The following CRIM1 variants were observed in gnomAD, a reference collection of about 807,000 sequenced individuals.
CRIM1 encodes cysteine-rich motor neuron 1 protein.
In CRIM1, 32 loss-of-function variants were observed where a neutral mutation model predicts 116.4. That is an observed-to-expected ratio of 0.27 (90% confidence interval 0.21 to 0.37). The LOEUF (loss-of-function observed/expected upper bound fraction) is 0.37, where lower values mean the gene tolerates loss of function less well. CRIM1 is among the 10% of genes least tolerant of loss of function. CRIM1 has a pLI of 1.00. For synonymous variants in CRIM1, 590 were observed against 509.2 expected (o/e 1.16, Z -2.13); for missense variants, 1,331 against 1,354.8 (o/e 0.98, Z 0.28).
At chr2:36,449,554 C>T (rs189898768) in intron 4 of CRIM1, among the ~76,000 whole-genome samples, 3 of 152,236 alleles carry the variant, frequency 2.0e-5, no homozygotes, top group East Asian at 1.9e-4. Context: ...AGGCCCACTT[C>T]GGCATGAGTT....
At chr2:36,404,441 C>G (rs1318242939) in intron 2 of CRIM1, among the ~76,000 whole-genome samples, 1 of 152,168 alleles carries the variant, frequency 6.6e-6, no homozygotes, top group Non-Finnish European at 1.5e-5. Flanking sequence ...TAGACTCTTT[C>G]AGTCCAGAAG....
At chr2:36,544,567 A>G (rs1667179975) in intron 15 of CRIM1, 69 bp downstream of exon 15, 1 of 1,300,074 alleles carries the variant, frequency 7.7e-7, no homozygotes, top group African/African-American at 1.5e-5. Flanking sequence ...TCTAATTTTT[A>G]AAATTTCCTA....
intron 13 of CRIM1, 35 bp downstream of exon 13, chr2:36,522,348 C>T (rs773335336): frequency 5.4e-6 from 8 of 1,476,196 alleles, no homozygotes; most frequent in African/African-American, 2.8e-5. Context: ...CTCATCTCTA[C>T]CAGTTGTCAC....
At chr2:36,381,124 A>C (rs372045865) in intron 1 of CRIM1, among the ~76,000 whole-genome samples, 15 of 146,376 alleles carry the variant, frequency 1.0e-4, no homozygotes, top group Non-Finnish European at 1.4e-4. Context: ...CCTACCCCCC[A>C]CACAGGAATC....
intron 1 of CRIM1, among the ~76,000 whole-genome samples, chr2:36,368,642 A>G (rs2148297496): frequency 6.6e-6 from 1 of 152,314 alleles, no homozygotes; most frequent in East Asian, 1.9e-4. Context: ...TTGGGCATTT[A>G]TTCATTAATA....
chr2:36,466,350 C>T (rs1572800257), intron 5 of CRIM1, among the ~76,000 whole-genome samples: 2 of 152,108 alleles, frequency 1.3e-5, no homozygotes, highest in South Asian at 2.1e-4. Context: ...CTTAAATCAC[C>T]TCTCGGTGCT....
At chr2:36,491,807 CA>C (rs1282906143) in intron 7 of CRIM1, among the ~76,000 whole-genome samples, 1 of 152,182 alleles carries the variant, frequency 6.6e-6, no homozygotes, top group African/African-American at 2.4e-5. Flanking sequence ...TGTGCACACA[CA>C]CAAACCCGCA....
chr2:36,406,962 T>C (rs965814289), intron 2 of CRIM1, among the ~76,000 whole-genome samples: 2 of 152,148 alleles, frequency 1.3e-5, no homozygotes, highest in Admixed American at 6.5e-5. Flanking sequence ...CGAAGGTTTT[T>C]CCTGACATGA....
chr2:36,378,226 A>C (rs1464699185), intron 1 of CRIM1: 1 of 453,340 alleles, frequency 2.2e-6, no homozygotes, highest in Non-Finnish European at 4.6e-6. Context: ...TGTTCAGTAA[A>C]TGTATTTTAA....
At chr2:36,535,163 A>T (rs1208740882) in intron 13 of CRIM1, among the ~76,000 whole-genome samples, 4 of 101,908 alleles carry the variant, frequency 3.9e-5, no homozygotes, top group Non-Finnish European at 7.6e-5. Flanking sequence ...GGGGGAAGGA[A>T]GGAGGACAGG....
intron 1 of CRIM1, among the ~76,000 whole-genome samples, chr2:36,380,311 G>A (rs996794019): frequency 2.6e-5 from 4 of 152,122 alleles, no homozygotes; most frequent in African/African-American, 4.8e-5. Context: ...CCAGTGGAGT[G>A]GTACTCTTGT....
At chr2:36,358,811 A>C (rs1338834125) in intron 1 of CRIM1, among the ~76,000 whole-genome samples, 1 of 152,192 alleles carries the variant, frequency 6.6e-6, no homozygotes, top group African/African-American at 2.4e-5. Flanking sequence ...TTGCATTCTA[A>C]ATCTGTGAAA....
At position 36,356,506 on chromosome 2, in the gene CRIM1, G is replaced by A; in HGVS notation, c.214G>A (p.Glu72Lys). ...CTACACGTGCGCCAGCCAGAGGAAC[G>A]AGAGCTGCGGCGGCACCTTCGGGAT... ...CCYTCASQRN[E>K]SCGGTFGIYG... is the part of the protein sequence containing the mutation. Residue 72 changes from glutamate to lysine, a missense_variant, in exon 1 of 17, where the codon GAG becomes AAG. Physicochemically the swap from Glu to Lys is moderately conservative, Grantham distance 56. Coordinates refer to ENST00000280527, the MANE Select transcript of CRIM1 (RefSeq NM_016441.3). The surrounding 1 kb of genome is among the most constrained non-coding windows in gnomAD (Gnocchi z 4.3). 1 of 1,612,924 alleles carries A rather than the reference G, an allele frequency of 6.2e-7. No homozygotes were observed. Among genetic ancestry groups the A allele is most frequent in the Non-Finnish European group, 8.5e-7 (1 of 1,179,866 alleles).
At chr2:36,479,857 G>C (rs566101751) in intron 7 of CRIM1, among the ~76,000 whole-genome samples, 163 bp downstream of exon 7, 41 of 152,358 alleles carry the variant, frequency 2.7e-4, no homozygotes, top group Middle Eastern at 6.8e-3. Context: ...GATGATTTGA[G>C]GAAAGGTTGC....
At chr2:36,516,856 C>T (rs1213475677) in intron 11 of CRIM1, among the ~76,000 whole-genome samples, 2 of 152,206 alleles carry the variant, frequency 1.3e-5, no homozygotes, top group African/African-American at 4.8e-5. Context: ...CCTCGTCTCT[C>T]CCTGAGCTCT....
At chr2:36,394,870 C>T (rs1346458112) in intron 1 of CRIM1, among the ~76,000 whole-genome samples, 3 of 152,082 alleles carry the variant, frequency 2.0e-5, no homozygotes, top group Non-Finnish European at 4.4e-5. Flanking sequence ...TAGTAGATGA[C>T]ATTCTTGTAA....
intron 2 of CRIM1, among the ~76,000 whole-genome samples, chr2:36,424,693 A>T (rs1674320708): frequency 6.6e-6 from 1 of 151,902 alleles, no homozygotes; most frequent in Non-Finnish European, 1.5e-5. Flanking sequence ...AAAATTTCTC[A>T]CTTCCTCCGT....
chr2:36,436,697 A>G (rs138632066), intron 2 of CRIM1, among the ~76,000 whole-genome samples: 7 of 152,324 alleles, frequency 4.6e-5, no homozygotes, highest in African/African-American at 1.7e-4. Context: ...ATTGGTTATG[A>G]GACCACACAT....
intron 2 of CRIM1, among the ~76,000 whole-genome samples, chr2:36,426,676 G>C (rs1174686571): frequency 6.6e-6 from 1 of 152,244 alleles, no homozygotes; most frequent in Admixed American, 6.5e-5. Context: ...TTCACATTGA[G>C]CCAGTCCATC....
Sources: gnomAD v4.1 joint callset for allele counts (sites outside exome capture counted in the v4.1 genomes callset) on GRCh38, gnomAD v4.1.1 for gene constraint, Gnocchi (gnomAD v3.1) non-coding constraint, MANE v1.5 for transcripts, NCBI Gene and HGNC (gene_info 2026-07-23, HGNC 2026-07-21) for gene names.